The following PAGE5 variants were observed in gnomAD, a reference collection of about 807,000 sequenced individuals.
PAGE5 encodes the protein PAGE family member 5.
A neutral mutation model predicts 8.1 loss-of-function variants in PAGE5; 8 were observed. The ratio of observed to expected loss-of-function variants is 0.98; its 90% CI spans 0.58 to 1.77. PAGE5 has a LOEUF of 1.77. Among genes scored for constraint, PAGE5 ranks in the 40% most tolerant of loss-of-function variants. The pLI is 0.00. For missense variants in PAGE5, 64 were observed against 77.6 expected, an observed-to-expected ratio of 0.82 and a Z score of 0.66; for synonymous variants, 30 against 27.0, an observed-to-expected ratio of 1.11 and a Z score of -0.35.
rs771012163 is a variant in PAGE5, at chrX:55,221,744, C to G, written c.82-23C>G. On this transcript the variant is annotated intron_variant, in intron 2 of 4. Coordinates refer to ENST00000374955, the MANE Select transcript of PAGE5 (RefSeq NM_001013435.3). ...GTGTTTATATTATTGACTTTTTATT[C>G]GCACACACACTTACACCCTTAGGTC... The G allele has an allele frequency of 2.5e-6, 3 of 1,189,438 alleles. No individual in the cohort carries two copies. In the Admixed American group the frequency reaches 6.8e-5, roughly 27 times the overall value.
intron 2 of PAGE5, 127 bp from the exon 3 acceptor site, chrX:55,221,640 G>A: frequency 1.1e-6 from 1 of 913,740 alleles, no homozygotes; most frequent in Non-Finnish European, 1.5e-6. Flanking sequence ...TATGGATATG[G>A]ATATTTTACT....
chrX:55,221,456 C>A lies in PAGE5; in HGVS notation c.74C>A (p.Pro25His). 2 of 1,205,375 alleles carry A rather than the reference C, an allele frequency of 1.7e-6. No homozygotes were observed. The highest frequency in any genetic ancestry group is 2.2e-6 in the Non-Finnish European group (2 of 890,697). ...NDQESSQPVG[P>H]VIVQQPTEEK... is the part of the protein sequence containing the mutation. ...CAAGAGTCTTCCCAGCCAGTTGGAC[C>A]TGTGATTGTGAGTCCTTTAGCATTT... The change falls in exon 2 of 5, where the codon CCT becomes CAT. Residue 25 changes from proline (P) to histidine (H), a missense_variant. By Grantham distance (77) the Pro-to-His change is moderately conservative. Transcript: ENST00000374955.
chrX:55,221,343 A>G (rs1388313085), intron 1 of PAGE5, 32 bp from the exon 2 acceptor site: 4 of 1,165,565 alleles, frequency 3.4e-6, no homozygotes, highest in Non-Finnish European at 4.7e-6. Context: ...GTTCTTACAC[A>G]CTTTTTCCAA....
At chrX:55,221,228 A>G (rs1356651855) in intron 1 of PAGE5, 147 bp from the exon 2 acceptor site, 2 of 510,763 alleles carry the variant, frequency 3.9e-6, no homozygotes, top group African/African-American at 2.4e-5. Flanking sequence ...TTGATTGGAA[A>G]GCATGCGTAC....
rs1017556955 is a variant in PAGE5 at position 55,221,391 on chromosome X, G to T, written c.9G>T (p.Glu3Asp). The change falls in exon 2 of 5, where the codon GAG becomes GAT. Residue 3 changes from glutamate (E) to aspartate (D), a missense_variant. Glu to Asp is a conservative substitution (Grantham distance 45). Coordinates refer to ENST00000374955, the MANE Select transcript of PAGE5 (RefSeq NM_001013435.3). The stretch of plus-strand genomic sequence containing the variant: ...TGTTTTCAGTGAGAGATATGAGTGA[G>T]CATGTAACAAGATCCCAATCCTCAG... The part of the protein sequence containing the change: MS[E>D]HVTRSQSSER... The T allele has an allele frequency of 8.3e-7, 1 of 1,210,142 alleles. No homozygotes were observed. The highest frequency in any genetic ancestry group is 2.2e-5 in the Admixed American group (1 of 45,984).
intron 3 of PAGE5, among the ~76,000 whole-genome samples, chrX:55,222,085 A>T (rs960817669): frequency 1.8e-5 from 2 of 111,758 alleles, no homozygotes; most frequent in African/African-American, 6.5e-5. Context: ...TTGATTGGGT[A>T]TTTGCATGGT....
At chrX:55,220,664 G>A in intron 1 of PAGE5, 1 of 1,195,847 alleles carries the variant, frequency 8.4e-7, no homozygotes, top group Non-Finnish European at 1.1e-6. Context: ...AGGCCGTGGA[G>A]GGGGTAGATC....
chrX:55,221,540 C>T, intron 2 of PAGE5, 77 bp downstream of exon 2: 3 of 1,047,178 alleles, frequency 2.9e-6, no homozygotes, highest in Non-Finnish European at 2.6e-6. Context: ...TGTACATGCA[C>T]TGATACAGGT....
chrX:55,220,368 C>T lies in PAGE5; in HGVS notation c.-93C>T. 2.5e-6 allele frequency: 1 copy of T among 406,374 alleles called. No homozygotes were observed. The highest frequency in any genetic ancestry group is 3.3e-5 in the South Asian group (1 of 30,629). The allele number at this position is 406,374 out of a possible 1,213,427, so 33.5% of individuals were successfully genotyped here. A position where few individuals can be genotyped will look rare whatever the true frequency, so the allele number is the denominator to read the frequency against. The stretch of plus-strand genomic sequence containing the variant: ...CACCTTCTGTCTAGGCAGAGCTCTG[C>T]AAGGAGAGGTTGTGTCTTCGTTCTT... On this transcript the variant is annotated 5_prime_UTR_variant, in exon 1 of 5. Coordinates refer to ENST00000374955, the MANE Select transcript of PAGE5 (RefSeq NM_001013435.3).
chrX:55,223,918 T>G, intron 4 of PAGE5, 69 bp from the exon 5 acceptor site: 1 of 900,007 alleles, frequency 1.1e-6, no homozygotes, highest in Non-Finnish European at 1.5e-6. Flanking sequence ...ACTGTAGTTG[T>G]ATACTTCTAG....
rs1937908246 is a variant in PAGE5 at position 55,222,631 on chromosome X, G to A, written c.201G>A (p.Val67=). 3 of 1,207,243 alleles carry A rather than the reference G, an allele frequency of 2.5e-6. No individual in the cohort carries two copies. The highest frequency in any genetic ancestry group is 3.4e-6 in the Non-Finnish European group (3 of 891,420). The change falls in exon 4 of 5, where the codon GTG becomes GTA. Residue 67 remains valine, a synonymous_variant. Coordinates refer to ENST00000374955, the MANE Select transcript of PAGE5 (RefSeq NM_001013435.3). ...EGAPAVQGTD[V]EAFQQELALL... ...CTTTTTATCTTTAAGGGACTGATGT[G>A]GAAGCTTTTCAACAGGAACTGGCTC...
At chrX:55,223,043 A>C (rs1937914479) in intron 4 of PAGE5, among the ~76,000 whole-genome samples, 1 of 111,865 alleles carries the variant, frequency 8.9e-6, no homozygotes, top group South Asian at 3.7e-4. Context: ...TTACGATATG[A>C]AAGATATGAA....
intron 1 of PAGE5, among the ~76,000 whole-genome samples, chrX:55,221,052 G>A (rs1937884754): frequency 9.0e-6 from 1 of 110,936 alleles, no homozygotes. Flanking sequence ...GAGGAAAGCA[G>A]CAGTCACTTC....
chrX:55,221,911 TGGA>T lies in PAGE5; in HGVS notation c.190+39_190+41del, dbSNP rs777352000. 4 of 1,139,608 alleles carry T rather than the reference TGGA, an allele frequency of 3.5e-6. No homozygotes were observed. The Admixed American group carries it at 9.8e-5, about 28-fold the overall frequency. The allele number at this position is 1,139,608 out of a possible 1,213,427, so 93.9% of individuals were successfully genotyped here. On this transcript the variant is annotated intron_variant, in intron 3 of 4. Coordinates refer to ENST00000374955, the MANE Select transcript of PAGE5 (RefSeq NM_001013435.3). Reference sequence around the variant, plus strand: ...AGTGGAGAATAATGCTTATGGGTGGTGGAGGTCTATTTATGCATTATATTTTGT... The same window carrying T: ...AGTGGAGAATAATGCTTATGGGTGGTGGTCTATTTATGCATTATATTTTGT...
intron 4 of PAGE5, 52 bp downstream of exon 4, chrX:55,222,798 G>C: frequency 1.7e-6 from 2 of 1,143,859 alleles, no homozygotes; most frequent in Non-Finnish European, 2.4e-6. Flanking sequence ...TCACAATATT[G>C]TATTTTGTGT....
Position 55,222,708 on chromosome X carries a change from C to T in PAGE5, c.278C>T (p.Thr93Ile). 2 of 1,210,529 alleles carry T rather than the reference C, an allele frequency of 1.7e-6. No individual in the cohort carries two copies. The highest frequency in any genetic ancestry group is 1.1e-6 in the Non-Finnish European group (1 of 894,418). The change falls in exon 4 of 5, where the codon ACT becomes ATT. Residue 93 changes from threonine (T) to isoleucine (I), a missense_variant. Physicochemically the swap from Thr to Ile is moderately conservative, Grantham distance 89. Coordinates refer to ENST00000374955, the MANE Select transcript of PAGE5 (RefSeq NM_001013435.3). Reference protein sequence around the residue: ...PGDGPDVREGTLPTFDPTKVL... With the variant: ...PGDGPDVREGILPTFDPTKVL... ...GATGGTCCTGATGTCAGGGAGGGGA[C>T]TCTGCCCACTTTTGATCCCACTAAA...
chrX:55,221,527 G>C (rs934472087), intron 2 of PAGE5, 64 bp downstream of exon 2: 1 of 1,090,485 alleles, frequency 9.2e-7, no homozygotes, highest in Non-Finnish European at 1.3e-6. Context: ...ATTTTTGAGC[G>C]AGTGTACATG....
chrX:55,223,036 C>T (rs1183054876), intron 4 of PAGE5, among the ~76,000 whole-genome samples: 2 of 111,116 alleles, frequency 1.8e-5, no homozygotes, highest in African/African-American at 3.3e-5. Context: ...AATTGAGTTA[C>T]GATATGAAAG....
Position 55,221,448 on chromosome X carries a change from A to G in PAGE5, c.66A>G (p.Pro22=). Residue 22 remains proline, a synonymous_variant, in exon 2 of 5, where the codon CCA becomes CCG. Coordinates refer to ENST00000374955, the MANE Select transcript of PAGE5 (RefSeq NM_001013435.3). ...ERGNDQESSQ[P]VGPVIVQQPT... is the part of the protein sequence containing the mutation. ...GAAATGACCAAGAGTCTTCCCAGCC[A>G]GTTGGACCTGTGATTGTGAGTCCTT... 1 of 1,207,744 alleles carries G rather than the reference A, an allele frequency of 8.3e-7. No homozygotes were observed.
Sources: allele counts gnomAD v4.1 joint callset (sites outside exome capture counted in the v4.1 genomes callset), GRCh38; gene constraint gnomAD v4.1.1; transcripts MANE v1.5; gene names NCBI Gene and HGNC (gene_info 2026-07-23, HGNC 2026-07-21).